MTERF4: variants seen among roughly 807,000 people sequenced by gnomAD.
The protein encoded by MTERF4 is mitochondrial transcription termination factor 4.
MTERF4 carries 17 observed loss-of-function variants against 22.5 expected under a neutral mutation model. That is an observed-to-expected ratio of 0.75 (90% CI 0.52 to 1.13). MTERF4 has a LOEUF of 1.13. Ranked by LOEUF, MTERF4 falls within the 50% of genes most tolerant of loss-of-function variation. The pLI is 0.00. For synonymous variants in MTERF4, 165 were observed against 175.3 expected, an observed-to-expected ratio of 0.94 and a Z score of 0.47; for missense variants, 420 against 466.8, an observed-to-expected ratio of 0.90 and a Z score of 0.92.
At chr2:241,045,190 G>A in the MTERF4 span, among the ~76,000 whole-genome samples, 1 of 152,160 alleles carries the variant, frequency 6.6e-6, no homozygotes, top group Non-Finnish European at 1.5e-5. Flanking sequence ...CCATGTTCAT[G>A]GATTAGAAGA....
the MTERF4 span, among the ~76,000 whole-genome samples, chr2:241,054,855 G>A: frequency 1.3e-5 from 2 of 152,328 alleles, no homozygotes; most frequent in African/African-American, 4.8e-5. Flanking sequence ...TGTGGCTCAC[G>A]CCTGTAATCC....
chr2:241,065,201 C>T, the MTERF4 span: 4 of 1,284,172 alleles, frequency 3.1e-6, no homozygotes, highest in South Asian at 5.5e-5. Flanking sequence ...CTGTGTCAGG[C>T]CCAAGAGCCA....
the MTERF4 span, chr2:241,051,661 T>A: frequency 8.8e-7 from 1 of 1,133,086 alleles, no homozygotes; most frequent in Non-Finnish European, 1.2e-6. This position sits in a 1 kb window ranked among gnomAD's most constrained non-coding sequence, Gnocchi z 4.7. Context: ...ACCAGAGGAC[T>A]GAGGAGATGC....
the MTERF4 span, among the ~76,000 whole-genome samples, chr2:241,047,519 C>G: frequency 6.6e-6 from 1 of 152,238 alleles, no homozygotes; most frequent in Admixed American, 6.5e-5. Context: ...ACGTTATTCT[C>G]AAGTGCTCTT....
At chr2:241,084,599 CT>C (rs1242170251), downstream of MTERF4, among the ~76,000 whole-genome samples, 1 of 152,204 alleles carries the variant, frequency 6.6e-6, no homozygotes, top group Admixed American at 6.5e-5. Context: ...AGACTTTTTC[CT>C]TCCACATATG....
chr2:241,065,514 A>T, the MTERF4 span: 1 of 1,612,942 alleles, frequency 6.2e-7, no homozygotes, highest in African/African-American at 1.3e-5. Context: ...CAGGGCCTAC[A>T]ACATCTCCGT....
the MTERF4 span, chr2:241,062,918 T>C: frequency 6.6e-7 from 1 of 1,511,446 alleles, no homozygotes; most frequent in Non-Finnish European, 9.0e-7. Context: ...AGAGGGGCCC[T>C]GGCCCCGCTG....
chr2:241,056,014 C>T, the MTERF4 span, among the ~76,000 whole-genome samples: 1 of 150,630 alleles, frequency 6.6e-6, no homozygotes, highest in South Asian at 2.1e-4. Context: ...CTTTGATTTC[C>T]ACTGTTCTTA....
downstream of MTERF4, chr2:241,082,401 T>C (rs969717532): frequency 3.2e-6 from 5 of 1,538,986 alleles, no homozygotes; most frequent in Admixed American, 8.4e-5. Flanking sequence ...ACCGCATTTG[T>C]CGTGTGTTCT....
At chr2:241,085,632 T>G (rs1323678657), downstream of MTERF4, among the ~76,000 whole-genome samples, 1 of 152,180 alleles carries the variant, frequency 6.6e-6, no homozygotes, top group Non-Finnish European at 1.5e-5. Context: ...TTCAAATGAT[T>G]CTTGAATGTC....
At chr2:241,090,341 G>A (rs1419983730), downstream of MTERF4, 6 of 1,550,234 alleles carry the variant, frequency 3.9e-6, no homozygotes, top group Non-Finnish European at 5.2e-6. Context: ...TAACACACAT[G>A]GAGCTGCCAC....
At chr2:241,082,804 G>A (rs544284411), downstream of MTERF4, among the ~76,000 whole-genome samples, 214 of 152,366 alleles carry the variant, frequency 1.4e-3, no homozygotes, top group Admixed American at 4.6e-3. Flanking sequence ...ATGGGCTGTG[G>A]AGGGAGAGAT....
chr2:241,045,228 T>C, the MTERF4 span, among the ~76,000 whole-genome samples: 1 of 152,246 alleles, frequency 6.6e-6, no homozygotes, highest in Non-Finnish European at 1.5e-5. Context: ...GGCAGTGCTC[T>C]CTAAATTGAT....
intron 3 of MTERF4, chr2:241,097,028 G>A (rs549483460): frequency 8.2e-6 from 5 of 609,664 alleles, no homozygotes; most frequent in South Asian, 2.1e-5. Flanking sequence ...GCTGATGTAT[G>A]CAGAGAATCT....
Position 241,096,049 on chromosome 2 carries a change from G to A in MTERF4, c.1095C>T (p.Asp365=), listed in dbSNP as rs759919818. 8.7e-6 allele frequency: 14 copies of A among 1,613,370 alleles called. No individual in the cohort carries two copies. Among genetic ancestry groups the A allele is most frequent in the African/African-American group, 2.7e-5 (2 of 74,760 alleles). ...DNDEDDDDED[D]DEAEDNDEDE... is the part of the protein sequence containing the mutation. ...CCTCATCATTGTCCTCCGCCTCGTC[G>A]TCGTCCTCATCATCGTCATCCTCAT... Residue 365 remains aspartate (D), a synonymous_variant, in exon 4 of 4, where the codon GAC becomes GAT. Coordinates refer to ENST00000391980, the MANE Select transcript of MTERF4 (RefSeq NM_182501.4). The surrounding 1 kb of genome is among the most constrained non-coding windows in gnomAD (Gnocchi z 5.1).
the MTERF4 span, chr2:241,051,915 G>A: frequency 6.7e-7 from 1 of 1,496,240 alleles, no homozygotes. The surrounding 1 kb of genome is among the most constrained non-coding windows in gnomAD (Gnocchi z 4.7). Flanking sequence ...GCCCTGAGCT[G>A]GGGCCCCTGA....
At chr2:241,056,806 C>T in the MTERF4 span, among the ~76,000 whole-genome samples, 1 of 151,704 alleles carries the variant, frequency 6.6e-6, no homozygotes, top group African/African-American at 2.4e-5. Context: ...TGGTCTCGAT[C>T]TCCTGACCTC....
the MTERF4 span, chr2:241,048,765 T>C: frequency 2.5e-6 from 4 of 1,607,320 alleles, no homozygotes; most frequent in Non-Finnish European, 2.6e-6. Context: ...TCTGTGAATT[T>C]GGTAGGTGCC....
At chr2:241,071,718 C>CCCCCGGGCA, downstream of MTERF4, 1 of 1,503,672 alleles carries the variant, frequency 6.7e-7, no homozygotes, top group Non-Finnish European at 9.0e-7. Flanking sequence ...CCCAGCCCCC[C>CCCCCGGGCA]AGGTACATGC....
Sources: allele counts gnomAD v4.1 joint callset (sites outside exome capture counted in the v4.1 genomes callset), GRCh38; gene constraint gnomAD v4.1.1; non-coding constraint Gnocchi (gnomAD v3.1); transcripts MANE v1.5; gene names NCBI Gene and HGNC (gene_info 2026-07-23, HGNC 2026-07-21).